ASH1L: variants seen among roughly 807,000 people sequenced by gnomAD.
ASH1L encodes ASH1 like histone lysine methyltransferase.
Under a neutral mutation model 269.0 loss-of-function variants are expected in ASH1L, and 23 were observed. The ratio of observed to expected loss-of-function variants is 0.09; its 90% confidence interval spans 0.06 to 0.12. The LOEUF (loss-of-function observed/expected upper bound fraction) is 0.12, where lower values mean the gene tolerates loss of function less well. Ranked by LOEUF, ASH1L falls within the 10% of genes least tolerant of loss-of-function variation. The pLI is 1.00. For synonymous variants in ASH1L, 1,187 were observed against 1,253.5 expected (o/e 0.95, Z 1.12); for missense variants, 2,912 against 3,567.8 (o/e 0.82, Z 4.68).
intron 15 of ASH1L, among the ~76,000 whole-genome samples, chr1:155,356,611 C>T (rs1169219151): frequency 3.3e-5 from 5 of 150,770 alleles, no homozygotes; most frequent in Admixed American, 3.3e-4. Flanking sequence ...CTACTGCACT[C>T]CAGCCTGGGC....
rs78859162 is a variant in ASH1L at position 155,556,206 on chromosome 1, A to C, written c.-100+5947T>G. Among the ~76,000 whole-genome samples, 188 of 152,176 alleles carry C rather than the reference A, an allele frequency of 1.2e-3. 1 individual carries two copies. Among genetic ancestry groups the C allele is most frequent in the African/African-American group, 4.4e-3 (181 of 41,512 alleles). ...AGACCATCCTGGGCAACACAGTAAG[A>C]CTCTACCTGTACATAAAATTTAAAA... On this transcript the variant is annotated intron_variant, in intron 1 of 27. Coordinates refer to ENST00000392403, the MANE Select transcript of ASH1L (RefSeq NM_018489.3).
Position 155,395,520 on chromosome 1 carries a change from C to G in ASH1L, c.6042G>C (p.Glu2014Asp), listed in dbSNP as rs775408719. 1.2e-6 allele frequency: 2 copies of G among 1,611,120 alleles called. No homozygotes were observed. The highest frequency in any genetic ancestry group is 2.2e-5 in the South Asian group (2 of 90,422). The change falls in exon 7 of 28, where the codon GAG becomes GAC. Residue 2014 changes from glutamate (E) to aspartate (D), a missense_variant. Coordinates refer to ENST00000392403, the MANE Select transcript of ASH1L (RefSeq NM_018489.3). ...GCTCTCCTGGAGTATACTCCAGCTT[C>G]TCTTTCTTTAATTGGATCAATCGAC... ...PKSRLIQLKK[E>D]KLEYTPGEHE...
chr1:155,479,557 A>G lies in ASH1L; in HGVS notation c.3313T>C (p.Ser1105Pro). ...SSASSSEILP[S>P]PICSQSSGTS... ...CCAGAAGACTGAGAGCAAATAGGTG[A>G]TGGAAGAATCTCAGAACTACTAGCA... is the stretch of plus-strand genomic sequence containing the variant. The change falls in exon 3 of 28, where the codon TCA (serine) becomes CCA (proline). Residue 1105 changes from serine (S) to proline (P), a missense_variant. Around this residue, in one of 13 missense-constraint regions of ASH1L, gnomAD observed 157 missense variants for 154.6 expected, o/e 1.02. Coordinates refer to ENST00000392403, the MANE Select transcript of ASH1L (RefSeq NM_018489.3). The G allele has an allele frequency of 6.2e-7, 1 of 1,614,206 alleles. No individual in the cohort carries two copies. Among genetic ancestry groups the G allele is most frequent in the Non-Finnish European group, 8.5e-7 (1 of 1,180,032 alleles).
chr1:155,400,976 G>A (rs1658788586), intron 6 of ASH1L, among the ~76,000 whole-genome samples: 1 of 151,540 alleles, frequency 6.6e-6, no homozygotes, highest in Admixed American at 6.6e-5. Flanking sequence ...CCTTGGCCAA[G>A]AAGGTGAAAC....
At position 155,357,763 on chromosome 1, in the gene ASH1L, G is replaced by T; in HGVS notation, c.6796-14C>A. 6.3e-7 allele frequency: 1 copy of T among 1,594,768 alleles called. No individual in the cohort carries two copies. The highest frequency in any genetic ancestry group is 2.2e-5 in the East Asian group (1 of 44,706). Reference sequence around the variant, plus strand: ...CTTACAAAGTTGCTTTGAAGGGAGAGAATAATTTTTTTATTTTTATTTTTT... The same window carrying T: ...CTTACAAAGTTGCTTTGAAGGGAGATAATAATTTTTTTATTTTTATTTTTT... On this transcript the variant is annotated splice_polypyrimidine_tract_variant and intron_variant, in intron 13 of 27. Transcript: ENST00000392403.
intron 6 of ASH1L, chr1:155,397,009 CA>C (rs1459024935): frequency 6.6e-6 from 1 of 150,452 alleles, no homozygotes; most frequent in Non-Finnish European, 1.5e-5. Context: ...CCTTTGGCCC[CA>C]GCTACTCGAG....
chr1:155,532,048 C>T (rs915761026), intron 1 of ASH1L, among the ~76,000 whole-genome samples: 1 of 152,156 alleles, frequency 6.6e-6, no homozygotes, highest in Non-Finnish European at 1.5e-5. Flanking sequence ...TTGGTTTCTA[C>T]TACAATATAT....
chr1:155,523,528 A>G (rs1669027974), intron 1 of ASH1L, among the ~76,000 whole-genome samples: 1 of 152,164 alleles, frequency 6.6e-6, no homozygotes, highest in African/African-American at 2.4e-5. Context: ...TTCTACAAGG[A>G]ATGTAAGTAA....
intron 1 of ASH1L, among the ~76,000 whole-genome samples, chr1:155,539,489 C>T (rs139069281): frequency 6.6e-6 from 1 of 152,004 alleles, no homozygotes; most frequent in African/African-American, 2.4e-5. Flanking sequence ...AAAAATCTTG[C>T]TCTGTCACCC....
intron 1 of ASH1L, among the ~76,000 whole-genome samples, chr1:155,546,944 T>A (rs1670869655): frequency 6.9e-6 from 1 of 144,022 alleles, no homozygotes; most frequent in African/African-American, 2.6e-5. Context: ...TTCATCACAT[T>A]CTTTTTTTTT....
chr1:155,338,175 C>T lies in ASH1L; in HGVS notation c.8717G>A (p.Cys2906Tyr). ...EESSQEPQST[C>Y]TPEERRHNQR... ...GTTATGCCGTCGTTCCTCAGGGGTA[C>T]AGGTTGACTGGGGTTCTTGACTACT... Residue 2906 changes from cysteine to tyrosine, a missense_variant, in exon 27 of 28, where the codon TGT becomes TAT. By Grantham distance (194) the Cys-to-Tyr change is radical (BLOSUM62 -2). Coordinates refer to ENST00000392403, the MANE Select transcript of ASH1L (RefSeq NM_018489.3). 1 of 1,614,042 alleles carries T rather than the reference C, an allele frequency of 6.2e-7. No homozygotes were observed. Among genetic ancestry groups the T allele is most frequent in the Non-Finnish European group, 8.5e-7 (1 of 1,180,004 alleles).
chr1:155,552,397 C>T (rs746951361), intron 1 of ASH1L, among the ~76,000 whole-genome samples: 3 of 152,064 alleles, frequency 2.0e-5, no homozygotes, highest in East Asian at 1.9e-4. Flanking sequence ...GCCCAGGAGA[C>T]GGAGTTTGCA....
At chr1:155,440,935 G>A (rs749639339) in intron 4 of ASH1L, among the ~76,000 whole-genome samples, 10 of 152,068 alleles carry the variant, frequency 6.6e-5, no homozygotes, top group South Asian at 4.2e-4. Context: ...ACCATCCATC[G>A]TGTGGCAGGA....
At chr1:155,527,531 CTTTTT>C (rs35475547) in intron 1 of ASH1L, among the ~76,000 whole-genome samples, 4 of 110,838 alleles carry the variant, frequency 3.6e-5, no homozygotes, top group African/African-American at 3.5e-5. Flanking sequence ...TACGGGATAC[CTTTTT>C]TTTTTTTTTT....
rs570312519 is a variant in ASH1L at position 155,387,292 on chromosome 1, C to T, written c.6104-7176G>A. On this transcript the variant is annotated intron_variant, in intron 7 of 27. Transcript: ENST00000392403. ...CCTGGCCTACATTGAAGTTTTTAAT[C>T]CATATTTTGTTTTTGTATATGCTGT... is the stretch of plus-strand genomic sequence containing the variant. Among the ~76,000 whole-genome samples the T allele has an allele frequency of 5.3e-5, 8 of 152,196 alleles. No individual in the cohort carries two copies. In the East Asian group the frequency reaches 1.5e-3, roughly 29 times the overall value.
chr1:155,478,348 G>C lies in ASH1L; in HGVS notation c.4522C>G (p.Arg1508Gly), dbSNP rs1344363331. The C allele has an allele frequency of 1.2e-6, 2 of 1,614,068 alleles. No individual in the cohort carries two copies. The change falls in exon 3 of 28, where the codon CGA (arginine) becomes GGA (glycine). Residue 1508 changes from arginine (R) to glycine (G), a missense_variant. Coordinates refer to ENST00000392403, the MANE Select transcript of ASH1L (RefSeq NM_018489.3). This position sits in a 1 kb window ranked among gnomAD's most constrained non-coding sequence, Gnocchi z 4.6. ...PQVSMDTGSS[R>G]SVLESLKRYR... ...CGCTTCAAAGATTCCAGGACAGATCGGGAAGAGCCAGTGTCCATAGAAACC... is the reference window on the plus strand; with the variant it reads ...CGCTTCAAAGATTCCAGGACAGATCCGGAAGAGCCAGTGTCCATAGAAACC...
At chr1:155,509,890 A>C (rs1668055664) in intron 2 of ASH1L, among the ~76,000 whole-genome samples, 1 of 152,198 alleles carries the variant, frequency 6.6e-6, no homozygotes, top group African/African-American at 2.4e-5. Context: ...AAACCATAAC[A>C]AACTCCAAAT....
intron 3 of ASH1L, among the ~76,000 whole-genome samples, chr1:155,472,503 C>T (rs1470877842): frequency 1.3e-5 from 2 of 152,138 alleles, no homozygotes; most frequent in Non-Finnish European, 2.9e-5. Flanking sequence ...CATCTCATAT[C>T]ACCTTCACCT....
chr1:155,474,706 AAAG>A (rs1009457934), intron 3 of ASH1L, among the ~76,000 whole-genome samples: 2 of 152,102 alleles, frequency 1.3e-5, no homozygotes, highest in African/African-American at 4.8e-5. Context: ...CTCAAAAACA[AAAG>A]AAAAAAAAAA....
Sources: allele counts gnomAD v4.1 joint callset (sites outside exome capture counted in the v4.1 genomes callset), GRCh38; gene constraint gnomAD v4.1.1; regional missense constraint gnomAD v4.1.1; non-coding constraint Gnocchi (gnomAD v3.1); transcripts MANE v1.5; gene names NCBI Gene and HGNC (gene_info 2026-07-23, HGNC 2026-07-21).